HTR4: variants seen among roughly 807,000 people sequenced by gnomAD.
The protein encoded by HTR4 is 5-hydroxytryptamine receptor 4, also known as 5-hydroxytryptamine (serotonin) receptor 4, G protein-coupled.
In HTR4, 16 loss-of-function variants were observed where a neutral mutation model predicts 36.8. That is an observed-to-expected ratio of 0.43 (90% CI 0.29 to 0.66). The LOEUF is 0.66. Among genes scored for constraint, HTR4 ranks in the 30% least tolerant of loss-of-function variants. The probability of loss-of-function intolerance (pLI) is 0.13; values close to 1 mark genes in which losing one functional copy is unlikely to be tolerated. For synonymous variants in HTR4, 189 were observed against 185.1 expected (o/e 1.02, Z -0.17); for missense variants, 438 against 490.9 (o/e 0.89, Z 1.02).
intron 1 of HTR4, among the ~76,000 whole-genome samples, chr5:148,653,470 G>C (rs1218525414): frequency 6.6e-6 from 1 of 152,152 alleles, no homozygotes; most frequent in Non-Finnish European, 1.5e-5. Flanking sequence ...TCTGTGAAAG[G>C]CAACTGCAGG....
intron 2 of HTR4, among the ~76,000 whole-genome samples, chr5:148,605,499 C>A (rs1702315369): frequency 6.6e-6 from 1 of 151,700 alleles, no homozygotes; most frequent in South Asian, 2.1e-4. Context: ...CTCAGGTGAT[C>A]CACCCGCCTC....
intron 5 of HTR4, among the ~76,000 whole-genome samples, chr5:148,463,593 T>A (rs976309247): frequency 6.6e-6 from 1 of 152,126 alleles, no homozygotes; most frequent in African/African-American, 2.4e-5. Context: ...TAAATGGAGA[T>A]ATATTCCATG....
intron 1 of HTR4, among the ~76,000 whole-genome samples, chr5:148,647,392 A>C (rs1397363405): frequency 6.6e-6 from 1 of 152,210 alleles, no homozygotes; most frequent in East Asian, 1.9e-4. Context: ...AAGAAACTCT[A>C]CTACTTGGAA....
intron 4 of HTR4, among the ~76,000 whole-genome samples, chr5:148,532,582 A>C (rs1758625387): frequency 6.6e-6 from 1 of 152,234 alleles, no homozygotes; most frequent in African/African-American, 2.4e-5. Flanking sequence ...AGACTGGATC[A>C]GGATGGTGGA....
intron 2 of HTR4, among the ~76,000 whole-genome samples, chr5:148,576,356 G>C (rs1013237002): frequency 3.3e-5 from 5 of 151,772 alleles, no homozygotes; most frequent in African/African-American, 1.2e-4. Flanking sequence ...CATGTGCGTG[G>C]ATAGAAAAAA....
At chr5:148,623,713 A>G (rs1247927243) in intron 2 of HTR4, among the ~76,000 whole-genome samples, 1 of 152,200 alleles carries the variant, frequency 6.6e-6, no homozygotes, top group Non-Finnish European at 1.5e-5. Flanking sequence ...ATTCTGATAC[A>G]CAGGAGGGAC....
chr5:148,549,489 A>G (rs924427024), intron 3 of HTR4, among the ~76,000 whole-genome samples: 5 of 152,150 alleles, frequency 3.3e-5, no homozygotes, highest in African/African-American at 1.2e-4. Flanking sequence ...CAGGCTGTAC[A>G]CTAGAATCAC....
chr5:148,498,143 T>C (rs932741235), intron 6 of HTR4, among the ~76,000 whole-genome samples: 3 of 152,316 alleles, frequency 2.0e-5, no homozygotes, highest in Middle Eastern at 3.4e-3. Flanking sequence ...GCTTATTTAA[T>C]AATAAAATTT....
chr5:148,599,662 A>G (rs1389764073), intron 2 of HTR4, among the ~76,000 whole-genome samples: 1 of 152,136 alleles, frequency 6.6e-6, no homozygotes, highest in Non-Finnish European at 1.5e-5. Context: ...CCCAGAGAAA[A>G]ACATGGGAAT....
At chr5:148,649,786 T>C (rs1263284717) in intron 1 of HTR4, among the ~76,000 whole-genome samples, 1 of 152,250 alleles carries the variant, frequency 6.6e-6, no homozygotes, top group Non-Finnish European at 1.5e-5. Context: ...GTTCCACTCA[T>C]TGATTCTCAT....
chr5:148,483,731 T>G (rs1348582660), intron 6 of HTR4, among the ~76,000 whole-genome samples: 6 of 152,210 alleles, frequency 3.9e-5, no homozygotes, highest in Non-Finnish European at 8.8e-5. Context: ...AGTGCACAAA[T>G]TTTCGCAGGG....
intron 4 of HTR4, among the ~76,000 whole-genome samples, chr5:148,547,710 T>C (rs923249896): frequency 1.3e-5 from 2 of 151,798 alleles, no homozygotes; most frequent in African/African-American, 4.8e-5. Context: ...CTGGGTAACA[T>C]AGTGAGACTT....
chr5:148,609,786 G>A (rs1482633219), intron 2 of HTR4, among the ~76,000 whole-genome samples: 1 of 151,810 alleles, frequency 6.6e-6, no homozygotes, highest in Non-Finnish European at 1.5e-5. Flanking sequence ...CAGGATGTTC[G>A]CAATCTCCTG....
chr5:148,531,770 T>C (rs1206749931), intron 4 of HTR4, among the ~76,000 whole-genome samples: 2 of 152,188 alleles, frequency 1.3e-5, no homozygotes, highest in African/African-American at 4.8e-5. Flanking sequence ...TAATTCTTTT[T>C]CTGCATAGTG....
intron 2 of HTR4, chr5:148,629,930 A>T (rs1581568637): frequency 6.6e-6 from 1 of 152,318 alleles, no homozygotes; most frequent in South Asian, 2.1e-4. Flanking sequence ...TATGTTTTCC[A>T]AATGAGAGAT....
At chr5:148,613,331 C>T (rs893214051) in intron 2 of HTR4, among the ~76,000 whole-genome samples, 5 of 130,262 alleles carry the variant, frequency 3.8e-5, no homozygotes, top group East Asian at 2.7e-4. Flanking sequence ...GCTTATCCAC[C>T]ATGATCAAGT....
At chr5:148,517,171 A>G (rs1757796073) in intron 5 of HTR4, among the ~76,000 whole-genome samples, 1 of 152,110 alleles carries the variant, frequency 6.6e-6, no homozygotes, top group South Asian at 2.1e-4. Flanking sequence ...CTCCTTCCTT[A>G]TAATATGTTT....
intron 2 of HTR4, among the ~76,000 whole-genome samples, chr5:148,566,609 T>C (rs1760451456): frequency 6.6e-6 from 1 of 152,168 alleles, no homozygotes; most frequent in South Asian, 2.1e-4. Context: ...ACAGAAAAGT[T>C]AACTAATTTA....
chr5:148,634,593 A>C (rs775180720), intron 2 of HTR4, among the ~76,000 whole-genome samples: 16 of 152,216 alleles, frequency 1.1e-4, no homozygotes, highest in Non-Finnish European at 1.9e-4. Flanking sequence ...ATTCAACATG[A>C]ATTCATAGCC....
Sources: gnomAD v4.1 joint callset for allele counts (sites outside exome capture counted in the v4.1 genomes callset) on GRCh38, gnomAD v4.1.1 for gene constraint, MANE v1.5 for transcripts, NCBI Gene and HGNC (gene_info 2026-07-23, HGNC 2026-07-21) for gene names.